Variants in KIAA1958 observed in about 807,000 individuals in gnomAD.
KIAA1958 encodes uncharacterized protein KIAA1958.
KIAA1958 carries 14 observed loss-of-function variants against 47.2 expected under a neutral mutation model. The observed-to-expected ratio is 0.30, with a 90% CI of 0.20 to 0.46. The LOEUF is 0.46. KIAA1958 is among the 20% of genes least tolerant of loss of function. KIAA1958 has a pLI of 1.00. For synonymous variants in KIAA1958, 354 were observed against 353.3 expected (o/e 1.00, Z -0.02); for missense variants, 803 against 909.2 (o/e 0.88, Z 1.50).
Position 112,574,777 on chromosome 9 carries a change from A to G in KIAA1958, c.697A>G (p.Met233Val). 6.2e-7 allele frequency: 1 copy of G among 1,614,096 alleles called. No individual in the cohort carries two copies. The highest frequency in any genetic ancestry group is 8.5e-7 in the Non-Finnish European group (1 of 1,179,992). ...VDGPALSLTQ[M>V]AKPKPQTHAG... ...TGGACCAGCCCTGTCCTTGACACAG[A>G]TGGCAAAACCCAAGCCTCAGACTCA... Residue 233 changes from methionine to valine, a missense_variant, in exon 2 of 4, where the codon ATG becomes GTG. Met to Val is a conservative substitution (Grantham distance 21, BLOSUM62 1). Coordinates refer to ENST00000337530, the MANE Select transcript of KIAA1958 (RefSeq NM_133465.4).
At chr9:112,515,270 G>A (rs1173172253) in intron 1 of KIAA1958, among the ~76,000 whole-genome samples, 3 of 111,414 alleles carry the variant, frequency 2.7e-5, no homozygotes, top group Non-Finnish European at 3.9e-5. Context: ...GGGGGGGTCA[G>A]CCCCCCTGCC....
In KIAA1958 at chr9:112,616,964, G is replaced by A. The variant is rs187866898; in HGVS notation, c.1172-28686G>A. Among the ~76,000 whole-genome samples, 5 of 152,298 alleles carry A rather than the reference G, an allele frequency of 3.3e-5. No homozygotes were observed. In the East Asian group the frequency reaches 5.8e-4, roughly 18 times the overall value. ...AGATACAGATTCCTACACCTGCTAC[G>A]TGGTAATCTGCATTTTGATCAAGCA... On this transcript the variant is annotated intron_variant, in intron 2 of 3. Transcript: ENST00000337530.
chr9:112,603,712 A>G lies in KIAA1958; in HGVS notation c.1171+28461A>G, dbSNP rs536535510. Among the ~76,000 whole-genome samples, 115 of 152,338 alleles carry G rather than the reference A, an allele frequency of 7.5e-4. 1 individual carries two copies. The South Asian group carries it at 0.011, about 14-fold the overall frequency. Reference sequence around the variant, plus strand: ...ATCTACCTATGATGTAATGTTCATAACCATCAGGGACTTACCTTTGACTAC... The same window carrying G: ...ATCTACCTATGATGTAATGTTCATAGCCATCAGGGACTTACCTTTGACTAC... On this transcript the variant is annotated intron_variant, in intron 2 of 3. Transcript: ENST00000337530.
At chr9:112,621,584 C>T (rs1287886366) in intron 2 of KIAA1958, among the ~76,000 whole-genome samples, 1 of 152,134 alleles carries the variant, frequency 6.6e-6, no homozygotes, top group Non-Finnish European at 1.5e-5. Flanking sequence ...ATTGCATCTT[C>T]ATTTAGAAAA....
chr9:112,611,234 T>C (rs1836321809), intron 2 of KIAA1958, among the ~76,000 whole-genome samples: 1 of 152,056 alleles, frequency 6.6e-6, no homozygotes, highest in Non-Finnish European at 1.5e-5. Context: ...TTGGAAGTAC[T>C]TAGAAAACAA....
chr9:112,624,675 C>T (rs778159595), intron 2 of KIAA1958, among the ~76,000 whole-genome samples: 7 of 152,116 alleles, frequency 4.6e-5, no homozygotes, highest in Non-Finnish European at 7.3e-5. Context: ...TGAGCAAAAG[C>T]TTGAAAAATT....
intron 1 of KIAA1958, among the ~76,000 whole-genome samples, chr9:112,547,601 C>T (rs1176420166): frequency 1.3e-5 from 2 of 151,774 alleles, no homozygotes; most frequent in African/African-American, 4.8e-5. Flanking sequence ...ACAAAACAGA[C>T]TCTTTGTAGC....
At chr9:112,530,683 T>C (rs370703155) in intron 1 of KIAA1958, among the ~76,000 whole-genome samples, 121 of 152,378 alleles carry the variant, frequency 7.9e-4, no homozygotes, top group African/African-American at 2.7e-3. Flanking sequence ...TCGCAAATCA[T>C]ATTAGAGAAT....
At chr9:112,510,931 C>T (rs1033522202) in intron 1 of KIAA1958, among the ~76,000 whole-genome samples, 1 of 151,938 alleles carries the variant, frequency 6.6e-6, no homozygotes, top group Non-Finnish European at 1.5e-5. Flanking sequence ...TATAAAATCC[C>T]TGAGGTGGGG....
At chr9:112,613,480 A>G (rs1215034391) in intron 2 of KIAA1958, among the ~76,000 whole-genome samples, 1 of 152,218 alleles carries the variant, frequency 6.6e-6, no homozygotes, top group Non-Finnish European at 1.5e-5. Flanking sequence ...AGGGAAATAA[A>G]TTGATAAATT....
chr9:112,639,794 A>G (rs1465517592), intron 2 of KIAA1958, among the ~76,000 whole-genome samples: 1 of 152,210 alleles, frequency 6.6e-6, no homozygotes, highest in African/African-American at 2.4e-5. Flanking sequence ...CATCTCCATC[A>G]ATACACACAT....
At chr9:112,617,059 A>G (rs1836419061) in intron 2 of KIAA1958, among the ~76,000 whole-genome samples, 1 of 152,226 alleles carries the variant, frequency 6.6e-6, no homozygotes, top group Non-Finnish European at 1.5e-5. Context: ...TTAACCTTGG[A>G]TGATCCAAAA....
chr9:112,511,889 T>C (rs910104502), intron 1 of KIAA1958, among the ~76,000 whole-genome samples: 12 of 152,246 alleles, frequency 7.9e-5, no homozygotes, highest in Admixed American at 1.3e-4. Context: ...AAGAGACTTA[T>C]GGTCAACCTT....
chr9:112,576,633 C>T (rs560901295), intron 2 of KIAA1958, among the ~76,000 whole-genome samples: 1 of 152,258 alleles, frequency 6.6e-6, no homozygotes, highest in South Asian at 2.1e-4. Flanking sequence ...CCCTCTTACA[C>T]TTAGCATTAT....
Position 112,659,704 on chromosome 9 carries a change from G to A in KIAA1958, c.1786G>A (p.Ala596Thr). The A allele has an allele frequency of 6.2e-7, 1 of 1,614,170 alleles. No homozygotes were observed. Among genetic ancestry groups the A allele is most frequent in the Admixed American group, 1.7e-5 (1 of 60,014 alleles). ...AGACCCCCAAAACCAGCCCTACTTT[G>A]CCCGGACGGACAGCGTCAAGCGGGA... The part of the protein sequence containing the change: ...LKDPQNQPYF[A>T]RTDSVKRESR... Residue 596 changes from alanine to threonine, a missense_variant, in exon 4 of 4, where the codon GCC (alanine) becomes ACC (threonine). Physicochemically the swap from Ala to Thr is moderately conservative, Grantham distance 58 (BLOSUM62 0). This residue lies in a region of KIAA1958 where 761 missense variants were observed against 829.3 expected (regional missense o/e 0.92). Coordinates refer to ENST00000337530, the MANE Select transcript of KIAA1958 (RefSeq NM_133465.4).
chr9:112,652,340 A>G (rs1033382748), intron 3 of KIAA1958, among the ~76,000 whole-genome samples: 10 of 152,316 alleles, frequency 6.6e-5, no homozygotes, highest in African/African-American at 2.2e-4. Flanking sequence ...CGATGTCTTT[A>G]TAATTGATTG....
intron 1 of KIAA1958, among the ~76,000 whole-genome samples, chr9:112,505,446 A>G (rs909948249): frequency 6.6e-6 from 1 of 152,206 alleles, no homozygotes; most frequent in Non-Finnish European, 1.5e-5. Flanking sequence ...CACATAGGTT[A>G]TATTATTACT....
chr9:112,609,334 A>G (rs1358039267), intron 2 of KIAA1958, among the ~76,000 whole-genome samples: 1 of 152,216 alleles, frequency 6.6e-6, no homozygotes, highest in Admixed American at 6.5e-5. Context: ...TAACTTTATA[A>G]TCAGATAACT....
At chr9:112,548,861 G>A (rs964700753) in intron 1 of KIAA1958, among the ~76,000 whole-genome samples, 12 of 152,108 alleles carry the variant, frequency 7.9e-5, no homozygotes, top group Non-Finnish European at 1.3e-4. Flanking sequence ...CAATATGACC[G>A]GTGTCCTTAT....
Sources: allele counts gnomAD v4.1 joint callset (sites outside exome capture counted in the v4.1 genomes callset), GRCh38; gene constraint gnomAD v4.1.1; regional missense constraint gnomAD v4.1.1; transcripts MANE v1.5; gene names NCBI Gene and HGNC (gene_info 2026-07-23, HGNC 2026-07-21).